Variants in DEPTOR observed in about 807,000 individuals in gnomAD.
DEPTOR encodes DEP domain-containing mTOR-interacting protein.
In DEPTOR, 41 loss-of-function variants were observed where a neutral mutation model predicts 41.6. The ratio of observed to expected loss-of-function variants is 0.98; its 90% CI spans 0.77 to 1.28. DEPTOR has a LOEUF of 1.28. Ranked by LOEUF, DEPTOR falls within the 50% of genes most tolerant of loss-of-function variation. The pLI, the probability that DEPTOR is intolerant of heterozygous loss-of-function variation, is 0.00. For missense variants in DEPTOR, 514 were observed against 527.9 expected (o/e 0.97, Z 0.26); for synonymous variants, 195 against 192.3 (o/e 1.01, Z -0.12).
At chr8:119,916,806 T>A (rs1827820925) in intron 1 of DEPTOR, among the ~76,000 whole-genome samples, 1 of 152,242 alleles carries the variant, frequency 6.6e-6, no homozygotes, top group Admixed American at 6.5e-5. Flanking sequence ...TCAGATGTTA[T>A]CTTATGGGTA....
chr8:119,964,662 G>A (rs1275377579), intron 3 of DEPTOR, among the ~76,000 whole-genome samples: 1 of 151,982 alleles, frequency 6.6e-6, no homozygotes, highest in East Asian at 1.9e-4. Context: ...ACATGAAATT[G>A]TAACCTCTTT....
chr8:119,892,293 C>A (rs1248884985), intron 1 of DEPTOR, among the ~76,000 whole-genome samples: 2 of 152,208 alleles, frequency 1.3e-5, no homozygotes, highest in Non-Finnish European at 2.9e-5. Flanking sequence ...GCTACTATAC[C>A]TGGCCTGGAG....
At chr8:119,902,030 T>A (rs13279398) in intron 1 of DEPTOR, among the ~76,000 whole-genome samples, 75,637 of 151,926 alleles carry the variant, frequency 0.5, 20,550 homozygotes, top group East Asian at 0.92. Context: ...CATCTTATAT[T>A]TTGGAAAGAG....
intron 1 of DEPTOR, among the ~76,000 whole-genome samples, chr8:119,900,715 G>A (rs974605471): frequency 7.2e-5 from 11 of 151,850 alleles, no homozygotes; most frequent in African/African-American, 2.4e-4. Context: ...TTTTCTAAAA[G>A]CACAAAGACA....
At chr8:120,004,707 G>T (rs370458528) in intron 6 of DEPTOR, among the ~76,000 whole-genome samples, 1 of 152,060 alleles carries the variant, frequency 6.6e-6, no homozygotes, top group South Asian at 2.1e-4. Flanking sequence ...GTTTCCTTTC[G>T]TGGGTCCCCA....
At chr8:120,024,807 A>G (rs764761188) in intron 8 of DEPTOR, among the ~76,000 whole-genome samples, 32 of 152,210 alleles carry the variant, frequency 2.1e-4, no homozygotes, top group Admixed American at 1.4e-3. Flanking sequence ...TCTGTTTTTA[A>G]AACCATCCAG....
At chr8:119,995,155 C>G (rs1483420214) in intron 4 of DEPTOR, among the ~76,000 whole-genome samples, 2 of 152,132 alleles carry the variant, frequency 1.3e-5, no homozygotes, top group Non-Finnish European at 2.9e-5. Context: ...CATAAATTAT[C>G]TCATTTTTCC....
chr8:120,041,070 C>A (rs535425021), intron 8 of DEPTOR, among the ~76,000 whole-genome samples: 1 of 152,150 alleles, frequency 6.6e-6, no homozygotes, highest in Non-Finnish European at 1.5e-5. Context: ...TCAGAAGCAG[C>A]CTTCCCCTTC....
At chr8:119,991,086 CTTT>C (rs3029216) in intron 4 of DEPTOR, among the ~76,000 whole-genome samples, 7 of 107,476 alleles carry the variant, frequency 6.5e-5, no homozygotes, top group African/African-American at 1.1e-4. Context: ...TTCTTTCTTT[CTTT>C]TTCTTTCTTT....
intron 4 of DEPTOR, among the ~76,000 whole-genome samples, chr8:119,977,217 G>A (rs960593843): frequency 2.2e-4 from 33 of 152,196 alleles, no homozygotes; most frequent in African/African-American, 7.2e-4. Context: ...TGGCCAGGCT[G>A]GTCTCAAACT....
intron 1 of DEPTOR, among the ~76,000 whole-genome samples, chr8:119,885,801 A>AT (rs1554670578): frequency 6.6e-6 from 1 of 152,224 alleles, no homozygotes; most frequent in Non-Finnish European, 1.5e-5. Context: ...ATTTCACTGT[A>AT]TTGCTTTATC....
intron 4 of DEPTOR, among the ~76,000 whole-genome samples, chr8:119,987,389 T>C (rs1477624946): frequency 1.3e-5 from 2 of 152,194 alleles, no homozygotes; most frequent in Non-Finnish European, 2.9e-5. Context: ...TGCTGCCTGT[T>C]CTTTCCGCTA....
At chr8:119,965,610 A>G (rs1190044777) in intron 4 of DEPTOR, among the ~76,000 whole-genome samples, 200 bp downstream of exon 4, 1 of 152,180 alleles carries the variant, frequency 6.6e-6, no homozygotes, top group Non-Finnish European at 1.5e-5. Context: ...AGACTAAAGG[A>G]ATATCCACTG....
intron 1 of DEPTOR, among the ~76,000 whole-genome samples, chr8:119,921,722 T>C (rs917013661): frequency 2.6e-5 from 4 of 151,694 alleles, no homozygotes; most frequent in Non-Finnish European, 4.4e-5. Flanking sequence ...CATAGAAGGA[T>C]GGTAACTGAA....
At chr8:119,900,560 AT>A (rs995747571) in intron 1 of DEPTOR, among the ~76,000 whole-genome samples, 15 of 149,556 alleles carry the variant, frequency 1.0e-4, no homozygotes, top group Middle Eastern at 3.4e-3. Flanking sequence ...CTCATTTTTA[AT>A]TTTTTTTTGG....
At chr8:119,961,786 C>T (rs1828496120) in intron 3 of DEPTOR, among the ~76,000 whole-genome samples, 1 of 151,914 alleles carries the variant, frequency 6.6e-6, no homozygotes, top group African/African-American at 2.4e-5. Context: ...TGAAATAGTT[C>T]AATTTGTATT....
At chr8:119,900,414 G>A (rs548111418) in intron 1 of DEPTOR, among the ~76,000 whole-genome samples, 24 of 55,152 alleles carry the variant, frequency 4.4e-4, no homozygotes, top group Admixed American at 1.1e-3. Context: ...TGGGAGACAG[G>A]GTCTCACACT....
At chr8:119,897,034 A>G (rs1462089888) in intron 1 of DEPTOR, among the ~76,000 whole-genome samples, 1 of 152,214 alleles carries the variant, frequency 6.6e-6, no homozygotes, top group African/African-American at 2.4e-5. Flanking sequence ...GTGTATGTGT[A>G]TATGTACACA....
At chr8:119,991,135 T>C (rs548101210) in intron 4 of DEPTOR, among the ~76,000 whole-genome samples, 31 of 149,048 alleles carry the variant, frequency 2.1e-4, no homozygotes, top group Non-Finnish European at 3.8e-4. Flanking sequence ...TTAAATCTTT[T>C]ATTCTTGGTT....
Sources: allele counts gnomAD v4.1 joint callset (sites outside exome capture counted in the v4.1 genomes callset), GRCh38; gene constraint gnomAD v4.1.1; transcripts MANE v1.5; gene names NCBI Gene and HGNC (gene_info 2026-07-23, HGNC 2026-07-21).